The following CPSF4L variants were observed in gnomAD, a reference collection of about 807,000 sequenced individuals.
CPSF4L encodes cleavage and polyadenylation specific factor 4 like.
CPSF4L carries 18 observed loss-of-function variants against 24.0 expected under a neutral mutation model. The ratio of observed to expected loss-of-function variants is 0.75; its 90% CI spans 0.52 to 1.11. The LOEUF (loss-of-function observed/expected upper bound fraction) is 1.11, where lower values mean the gene tolerates loss of function less well. Ranked by LOEUF, CPSF4L falls within the 50% of genes least tolerant of loss-of-function variation. The pLI is 0.00. For synonymous variants in CPSF4L, 72 were observed against 77.2 expected (o/e 0.93, Z 0.35); for missense variants, 211 against 221.8 (o/e 0.95, Z 0.31).
At chr17:73,250,075 G>T in intron 5 of CPSF4L, 2 of 533,394 alleles carry the variant, frequency 3.7e-6, no homozygotes, top group South Asian at 3.9e-5. Flanking sequence ...TGTATTTTTA[G>T]TAGCTCGTTC....
downstream of CPSF4L, chr17:73,247,406 C>G: frequency 6.5e-7 from 1 of 1,531,706 alleles, no homozygotes; most frequent in South Asian, 1.1e-5. Flanking sequence ...CCTGTGTTGC[C>G]CACTGAATTG....
chr17:73,246,358 C>A (rs917983425), downstream of CPSF4L, among the ~76,000 whole-genome samples: 1 of 151,796 alleles, frequency 6.6e-6, no homozygotes. Flanking sequence ...GTGGTGAAAT[C>A]CATCTCTACA....
chr17:73,258,213 T>G (rs576335790), intron 2 of CPSF4L, among the ~76,000 whole-genome samples: 8 of 152,114 alleles, frequency 5.3e-5, no homozygotes, highest in African/African-American at 1.7e-4. Flanking sequence ...GGTTTCACCG[T>G]GTTAGCCAGG....
intron 4 of CPSF4L, among the ~76,000 whole-genome samples, chr17:73,253,260 C>T (rs184537458): frequency 6.6e-5 from 10 of 152,052 alleles, no homozygotes; most frequent in African/African-American, 1.7e-4. Context: ...CTTGGGAGGC[C>T]GAGGCAGGAG....
At chr17:73,262,638 C>T (rs2062051740), upstream of CPSF4L, among the ~76,000 whole-genome samples, 1 of 152,230 alleles carries the variant, frequency 6.6e-6, no homozygotes, top group African/African-American at 2.4e-5. Flanking sequence ...GCCTGCAGGG[C>T]TGGGGACATC....
chr17:73,248,375 C>T, downstream of CPSF4L: 1 of 914,070 alleles, frequency 1.1e-6, no homozygotes, highest in Non-Finnish European at 1.7e-6. Flanking sequence ...ACATGATTTA[C>T]CATTTTAAAC....
At chr17:73,250,856 C>G in intron 5 of CPSF4L, 2 of 743,908 alleles carry the variant, frequency 2.7e-6, no homozygotes, top group Non-Finnish European at 2.0e-6. Context: ...TCATTCTCCC[C>G]TAATTCACAC....
upstream of CPSF4L, among the ~76,000 whole-genome samples, chr17:73,263,316 TC>T (rs2062053908): frequency 6.6e-6 from 1 of 152,150 alleles, no homozygotes; most frequent in Admixed American, 6.6e-5. Flanking sequence ...CTTGATGACT[TC>T]CTTCCCTAAA....
chr17:73,244,256 G>A (rs114463437), downstream of CPSF4L, among the ~76,000 whole-genome samples: 2,091 of 152,088 alleles, frequency 0.014, 56 homozygotes, highest in African/African-American at 0.048. Flanking sequence ...GCTGGTTTTT[G>A]TACAATCAAA....
downstream of CPSF4L, among the ~76,000 whole-genome samples, chr17:73,246,884 T>A (rs1266386943): frequency 6.6e-6 from 1 of 152,202 alleles, no homozygotes; most frequent in Non-Finnish European, 1.5e-5. Flanking sequence ...GCCCATTCTC[T>A]GTGAATGCTC....
In CPSF4L at chr17:73,261,647, C is replaced by T. The variant is rs533978770; in HGVS notation, c.103+69G>A. 34 of 1,075,152 alleles carry T rather than the reference C, an allele frequency of 3.2e-5. No homozygotes were observed. The East Asian group carries it at 3.4e-4, about 11-fold the overall frequency. The allele number at this position is 1,075,152 out of a possible 1,614,324, so 66.6% of individuals were successfully genotyped here. ...CTACACTCCAGCCTGGGCTACAGAGCGAGACTCCGTCTCAAAGAAAAAAAA... is the reference window on the plus strand; with the variant it reads ...CTACACTCCAGCCTGGGCTACAGAGTGAGACTCCGTCTCAAAGAAAAAAAA... On this transcript the variant is annotated intron_variant, in intron 1 of 5. Transcript: ENST00000344935.
At chr17:73,256,169 CCAAA>C (rs551452051) in intron 3 of CPSF4L, among the ~76,000 whole-genome samples, 12 of 152,268 alleles carry the variant, frequency 7.9e-5, no homozygotes, top group African/African-American at 1.4e-4. Context: ...CACCTGATCC[CCAAA>C]CAAACACCGA....
intron 4 of CPSF4L, among the ~76,000 whole-genome samples, 179 bp from the exon 5 acceptor site, chr17:73,252,902 G>A (rs566336093): frequency 1.3e-5 from 2 of 152,294 alleles, no homozygotes; most frequent in African/African-American, 2.4e-5. Flanking sequence ...CATGAGACAG[G>A]GATGGGGAAA....
Position 73,257,695 on chromosome 17 carries a change from A to T in CPSF4L, c.293T>A (p.Phe98Tyr). 1.3e-6 allele frequency: 2 copies of T among 1,551,664 alleles called. No individual in the cohort carries two copies. Among genetic ancestry groups the T allele is most frequent in the Non-Finnish European group, 1.7e-6 (2 of 1,146,990 alleles). ...YDLTRMPECY[F>Y]YSKFGDCSNK... ...AGAGGCCTTACCAAACTTGGAGTAGAAGTAGCACTCAGGCATCCTGGTGAG... is the reference window on the plus strand; with the variant it reads ...AGAGGCCTTACCAAACTTGGAGTAGTAGTAGCACTCAGGCATCCTGGTGAG... The change falls in exon 3 of 6, where the codon TTC becomes TAC. Residue 98 changes from phenylalanine to tyrosine, a missense_variant. Transcript: ENST00000344935.
chr17:73,256,951 C>T (rs1441042456), intron 3 of CPSF4L, among the ~76,000 whole-genome samples: 3 of 152,122 alleles, frequency 2.0e-5, no homozygotes, highest in Admixed American at 6.6e-5. Flanking sequence ...GGCTTGAACC[C>T]GGGAGGTGGA....
rs377495206 is a variant in CPSF4L, at chr17:73,252,949, G to A, written c.404-226C>T. On this transcript the variant is annotated intron_variant, in intron 4 of 5. Transcript: ENST00000344935. ...AATGTGCTGGAGCAGGTGTCAGCTG[G>A]CAAGTTCTGAAATAGAGTTGGAAAT... 7.2e-5 allele frequency among the ~76,000 whole-genome samples: 11 copies of A among 152,314 alleles called. No homozygotes were observed. In the East Asian group the frequency reaches 1.7e-3, roughly 24 times the overall value.
downstream of CPSF4L, chr17:73,248,072 C>T (rs2061976516): frequency 6.1e-6 from 1 of 163,252 alleles, no homozygotes; most frequent in African/African-American, 2.4e-5. Context: ...ACAAACTCAG[C>T]ATGACGAGGA....
intron 1 of CPSF4L, among the ~76,000 whole-genome samples, 161 bp from the exon 2 acceptor site, chr17:73,261,144 C>T (rs1303731944): frequency 1.3e-5 from 2 of 152,188 alleles, no homozygotes; most frequent in East Asian, 3.9e-4. Context: ...CAGAGCCAGC[C>T]AGCAGACCTC....
At chr17:73,248,107 C>CA (rs2061976904), downstream of CPSF4L, 2 of 209,386 alleles carry the variant, frequency 9.6e-6, no homozygotes, top group Non-Finnish European at 1.9e-5. Context: ...CTCCAGGGTG[C>CA]AATACTGATG....
Sources: gnomAD v4.1 joint callset for allele counts (sites outside exome capture counted in the v4.1 genomes callset) on GRCh38, gnomAD v4.1.1 for gene constraint, MANE v1.5 for transcripts, NCBI Gene and HGNC (gene_info 2026-07-23, HGNC 2026-07-21) for gene names.